NNMT: variants seen among roughly 807,000 people sequenced by gnomAD.
NNMT encodes nicotinamide N-methyltransferase.
In NNMT, 10 loss-of-function variants were observed where a neutral mutation model predicts 11.7. The observed-to-expected ratio is 0.85, with a 90% CI of 0.53 to 1.45. The LOEUF is 1.45. Ranked by LOEUF, NNMT falls within the 40% of genes most tolerant of loss-of-function variation. The probability of loss-of-function intolerance (pLI) is 0.00; values close to 1 mark genes in which losing one functional copy is unlikely to be tolerated. For missense variants in NNMT, 381 were observed against 319.4 expected, an observed-to-expected ratio of 1.19 and a Z score of -1.47; for synonymous variants, 143 against 133.8, an observed-to-expected ratio of 1.07 and a Z score of -0.48.
intron 2 of NNMT, among the ~76,000 whole-genome samples, chr11:114,276,394 G>A (rs918789978): frequency 6.6e-6 from 1 of 152,210 alleles, no homozygotes; most frequent in African/African-American, 2.4e-5. Context: ...CGAAGGGACT[G>A]ATGCAGCAGA....
chr11:114,273,650 G>A (rs919612120), intron 2 of NNMT, among the ~76,000 whole-genome samples: 1 of 152,114 alleles, frequency 6.6e-6, no homozygotes, highest in African/African-American at 2.4e-5. Context: ...GTCCAGCCTG[G>A]CCAACATGGT....
chr11:114,263,422 T>C lies in NNMT; in HGVS notation c.-130+488T>C, dbSNP rs1029762422. Among the ~76,000 whole-genome samples the C allele has an allele frequency of 1.1e-4, 16 of 152,238 alleles. 1 individual carries two copies. Among genetic ancestry groups the C allele is most frequent in the Admixed American group, 5.9e-4 (9 of 15,290 alleles). ...CCTTCTGGGCAAGCTTATCTGACTG[T>C]GTGCTTACTTAGCAGCTCCAGAGCT... On this transcript the variant is annotated intron_variant, in intron 2 of 4. Coordinates refer to the NNMT transcript ENST00000535401.
At chr11:114,266,582 A>T (rs1456914947) in intron 2 of NNMT, among the ~76,000 whole-genome samples, 3 of 136,698 alleles carry the variant, frequency 2.2e-5, no homozygotes, top group Non-Finnish European at 4.5e-5. Flanking sequence ...CCTCCTTCAC[A>T]TATAATTTGG....
At chr11:114,264,003 A>G (rs879766402) in intron 2 of NNMT, among the ~76,000 whole-genome samples, 2 of 152,166 alleles carry the variant, frequency 1.3e-5, no homozygotes, top group African/African-American at 2.4e-5. Context: ...AGTGAGACCC[A>G]GAGTGACGTG....
At chr11:114,261,267 T>G (rs948576734) in intron 1 of NNMT, among the ~76,000 whole-genome samples, 1 of 152,288 alleles carries the variant, frequency 6.6e-6, no homozygotes, top group South Asian at 2.1e-4. Flanking sequence ...GGAAAGCAAC[T>G]GGGGTTGCAC....
chr11:114,261,345 G>A (rs968267482), intron 1 of NNMT, among the ~76,000 whole-genome samples: 1 of 152,184 alleles, frequency 6.6e-6, no homozygotes, highest in Non-Finnish European at 1.5e-5. Flanking sequence ...ACTTTGGGAG[G>A]CCGAGGCGGG....
At chr11:114,292,122 T>C (rs529122967), upstream of NNMT, among the ~76,000 whole-genome samples, 2 of 151,154 alleles carry the variant, frequency 1.3e-5, no homozygotes, top group South Asian at 4.2e-4. Flanking sequence ...TTTTGGATAA[T>C]TTTTTTTTAG....
intron 2 of NNMT, among the ~76,000 whole-genome samples, chr11:114,278,967 G>T (rs1038295018): frequency 6.6e-6 from 1 of 152,192 alleles, no homozygotes; most frequent in African/African-American, 2.4e-5. Flanking sequence ...CGCAAGACTG[G>T]GTTGCCTGGT....
intron 2 of NNMT, among the ~76,000 whole-genome samples, chr11:114,283,184 G>C (rs1945274367): frequency 6.6e-6 from 1 of 152,138 alleles, no homozygotes. Context: ...GCCCCCCATA[G>C]GAATTCTCAC....
At position 114,309,235 on chromosome 11, in the gene NNMT, C is replaced by A. The variant is rs544581085; in HGVS notation, c.363-2810C>A. 1.2e-4 allele frequency among the ~76,000 whole-genome samples: 18 copies of A among 152,294 alleles called. 1 individual carries two copies. In the East Asian group the frequency reaches 3.5e-3, roughly 29 times the overall value. On this transcript the variant is annotated intron_variant, in intron 2 of 2. Transcript: ENST00000299964. ...AGTTTGTCTATTCAAATACATGTTT[C>A]TCACACACTTCTACAGTGTTTTTCT...
chr11:114,273,506 A>G (rs1032364907), intron 2 of NNMT, among the ~76,000 whole-genome samples: 1 of 152,198 alleles, frequency 6.6e-6, no homozygotes, highest in Non-Finnish European at 1.5e-5. Flanking sequence ...TTTAGTCCCC[A>G]TGCTGCCAAG....
chr11:114,287,071 T>C (rs373573605), intron 2 of NNMT, among the ~76,000 whole-genome samples: 1 of 152,172 alleles, frequency 6.6e-6, no homozygotes, highest in Non-Finnish European at 1.5e-5. Flanking sequence ...TCTGTTCAAG[T>C]TTTTTGTTTT....
intron 2 of NNMT, among the ~76,000 whole-genome samples, chr11:114,279,447 G>A (rs746817916): frequency 2.6e-5 from 4 of 152,162 alleles, no homozygotes; most frequent in Non-Finnish European, 4.4e-5. Context: ...GGTGATGGTT[G>A]GAAAGGCATT....
chr11:114,287,215 G>A (rs895239803), intron 2 of NNMT, among the ~76,000 whole-genome samples: 2 of 152,122 alleles, frequency 1.3e-5, no homozygotes, highest in African/African-American at 4.8e-5. Context: ...CTCTTAAAGT[G>A]TCTTTGGTCG....
chr11:114,273,080 T>C (rs1245549420), intron 2 of NNMT, among the ~76,000 whole-genome samples: 2 of 152,230 alleles, frequency 1.3e-5, no homozygotes, highest in Non-Finnish European at 2.9e-5. Context: ...TGGACCTGAC[T>C]ACTGTAGTGT....
intron 2 of NNMT, among the ~76,000 whole-genome samples, chr11:114,280,952 G>T (rs149267601): frequency 6.6e-6 from 1 of 152,228 alleles, no homozygotes; most frequent in Admixed American, 6.5e-5. Flanking sequence ...CGCAGCCAGC[G>T]CAGAGTGCCC....
At chr11:114,288,441 C>CT (rs71063558) in intron 2 of NNMT, among the ~76,000 whole-genome samples, 170 of 144,228 alleles carry the variant, frequency 1.2e-3, no homozygotes, top group Middle Eastern at 3.7e-3. Flanking sequence ...TAAGCTTTTT[C>CT]TTTTTTTTTT....
intron 2 of NNMT, among the ~76,000 whole-genome samples, chr11:114,300,608 G>GAGAA (rs56220371): frequency 0.17 from 257 of 1,538 alleles, no homozygotes; most frequent in Non-Finnish European, 0.43. Context: ...GTCAATTACT[G>GAGAA]AGAGTGTTAA....
intron 2 of NNMT, among the ~76,000 whole-genome samples, chr11:114,269,279 C>G (rs1016024337): frequency 2.6e-5 from 4 of 152,112 alleles, no homozygotes; most frequent in Non-Finnish European, 4.4e-5. Context: ...CTTCTGTTCT[C>G]CTTGCCAGAA....
Sources: allele counts gnomAD v4.1 joint callset (sites outside exome capture counted in the v4.1 genomes callset), GRCh38; gene constraint gnomAD v4.1.1; transcripts MANE v1.5; gene names NCBI Gene and HGNC (gene_info 2026-07-23, HGNC 2026-07-21).